The following PTPRK variants were observed in gnomAD, a reference collection of about 807,000 sequenced individuals.
PTPRK encodes receptor-type tyrosine-protein phosphatase kappa.
PTPRK carries 75 observed loss-of-function variants against 178.0 expected under a neutral mutation model. The observed-to-expected ratio is 0.42, with a 90% CI of 0.35 to 0.51. The LOEUF (loss-of-function observed/expected upper bound fraction) is 0.51, where lower values mean the gene tolerates loss of function less well. Ranked by LOEUF, PTPRK falls within the 20% of genes least tolerant of loss-of-function variation. The pLI is 0.02. For missense variants in PTPRK, 1,441 were observed against 1,797.8 expected (o/e 0.80, Z 3.59); for synonymous variants, 637 against 620.6 (o/e 1.03, Z -0.39).
At chr6:128,055,684 C>G (rs569874464) in intron 13 of PTPRK, among the ~76,000 whole-genome samples, 1 of 152,128 alleles carries the variant, frequency 6.6e-6, no homozygotes, top group African/African-American at 2.4e-5. Flanking sequence ...ACTGCTGCCT[C>G]GAACTCCTGG....
chr6:128,482,931 C>T (rs1334901434), intron 1 of PTPRK, among the ~76,000 whole-genome samples: 1 of 152,154 alleles, frequency 6.6e-6, no homozygotes, highest in East Asian at 1.9e-4. Flanking sequence ...TGGTATCCTG[C>T]TCATAAAACC....
intron 7 of PTPRK, among the ~76,000 whole-genome samples, chr6:128,095,329 C>T (rs1787735626): frequency 6.6e-6 from 1 of 152,094 alleles, no homozygotes; most frequent in African/African-American, 2.4e-5. Flanking sequence ...TTAGAAACAC[C>T]ATGATGTCAC....
intron 3 of PTPRK, among the ~76,000 whole-genome samples, chr6:128,266,392 T>C (rs886706686): frequency 1.3e-5 from 2 of 152,080 alleles, no homozygotes; most frequent in Admixed American, 6.6e-5. Context: ...CCCAGACAGA[T>C]GGGTTAATGA....
chr6:128,502,107 C>T (rs1855644060), intron 1 of PTPRK, among the ~76,000 whole-genome samples: 1 of 152,136 alleles, frequency 6.6e-6, no homozygotes, highest in Non-Finnish European at 1.5e-5. Flanking sequence ...TACTGAAAAC[C>T]CACTACCTAC....
intron 2 of PTPRK, among the ~76,000 whole-genome samples, chr6:128,338,527 G>GA (rs1165982113): frequency 1.3e-5 from 2 of 152,196 alleles, no homozygotes; most frequent in East Asian, 3.9e-4. Flanking sequence ...AAAACAACCA[G>GA]AAAAAAGTAT....
At chr6:128,475,075 A>C (rs1163556232) in intron 1 of PTPRK, among the ~76,000 whole-genome samples, 1 of 152,144 alleles carries the variant, frequency 6.6e-6, no homozygotes, top group Non-Finnish European at 1.5e-5. Flanking sequence ...AATTAGAAGT[A>C]TCATTGCATA....
intron 3 of PTPRK, among the ~76,000 whole-genome samples, chr6:128,259,479 AATGTACATAT>A (rs1204168680): frequency 6.6e-6 from 1 of 152,160 alleles, no homozygotes; most frequent in African/African-American, 2.4e-5. Context: ...ACACATATAT[AATGTACATAT>A]ATGCACATAC....
chr6:128,140,266 G>GT (rs1451942450), intron 7 of PTPRK, among the ~76,000 whole-genome samples: 4 of 151,998 alleles, frequency 2.6e-5, no homozygotes, highest in Non-Finnish European at 5.9e-5. Flanking sequence ...TAAGGAGAAT[G>GT]TATTTAAAAT....
chr6:128,425,089 T>C (rs945963452), intron 1 of PTPRK, among the ~76,000 whole-genome samples: 2 of 151,262 alleles, frequency 1.3e-5, no homozygotes, highest in Non-Finnish European at 3.0e-5. Context: ...CTTTTTTTTT[T>C]TTTTTTTGAG....
intron 13 of PTPRK, among the ~76,000 whole-genome samples, chr6:128,058,282 G>A (rs1256028383): frequency 6.6e-6 from 1 of 152,178 alleles, no homozygotes; most frequent in Non-Finnish European, 1.5e-5. Flanking sequence ...CAGCAGGATG[G>A]TAGGAGATTT....
rs925955972 is a variant in PTPRK at position 127,969,382 on chromosome 6, A to C, written c.*845T>G. On this transcript the variant is annotated 3_prime_UTR_variant, in exon 30 of 30. Transcript: ENST00000368226. Reference sequence around the variant, plus strand: ...ACCCAATTGCCAAGGGATTTTACACAAATTTAATTCACAAGCATGTACACA... The same window carrying C: ...ACCCAATTGCCAAGGGATTTTACACCAATTTAATTCACAAGCATGTACACA... 6 of 152,208 alleles carry C rather than the reference A, an allele frequency of 3.9e-5. No individual in the cohort carries two copies. Among genetic ancestry groups the C allele is most frequent in the Non-Finnish European group, 5.9e-5 (4 of 68,036 alleles). The allele number at this position is 152,208 out of a possible 1,614,324, so 9.4% of individuals were successfully genotyped here. A position where few individuals can be genotyped will look rare whatever the true frequency, so the allele number is the denominator to read the frequency against.
chr6:128,272,418 G>A (rs568515550), intron 3 of PTPRK, among the ~76,000 whole-genome samples: 12 of 152,190 alleles, frequency 7.9e-5, no homozygotes, highest in Non-Finnish European at 1.6e-4. Flanking sequence ...AGAGTGAACA[G>A]GCAACTTACA....
intron 7 of PTPRK, among the ~76,000 whole-genome samples, chr6:128,112,148 A>T (rs1264927659): frequency 6.6e-6 from 1 of 152,116 alleles, no homozygotes; most frequent in Non-Finnish European, 1.5e-5. Context: ...AAATATGTTA[A>T]TTTTAGAAAC....
intron 11 of PTPRK, among the ~76,000 whole-genome samples, chr6:128,068,922 TGGGTAGGTAGAG>T (rs1467218344): frequency 3.0e-5 from 4 of 135,574 alleles, no homozygotes; most frequent in Admixed American, 1.5e-4. Context: ...AAGAAAGAGG[TGGGTAGGTAGAG>T]GGGAGTGGGG....
chr6:128,508,942 C>A (rs1410256961), intron 1 of PTPRK, among the ~76,000 whole-genome samples: 3 of 126,158 alleles, frequency 2.4e-5, no homozygotes, highest in African/African-American at 4.1e-5. Flanking sequence ...TGCGAAACTC[C>A]ATCTCAAAAA....
chr6:128,161,565 C>T (rs1798713377), intron 7 of PTPRK, among the ~76,000 whole-genome samples: 1 of 151,560 alleles, frequency 6.6e-6, no homozygotes, highest in African/African-American at 2.4e-5. Flanking sequence ...AAGCCAATTG[C>T]TTCTATTTCC....
intron 1 of PTPRK, among the ~76,000 whole-genome samples, chr6:128,425,742 T>C (rs929047913): frequency 6.6e-6 from 1 of 152,112 alleles, no homozygotes; most frequent in African/African-American, 2.4e-5. Context: ...CTCATCCACT[T>C]ATCTGGGAAG....
At position 128,005,139 on chromosome 6, in the gene PTPRK, A is replaced by G. The variant is rs1778270951; in HGVS notation, c.2439T>C (p.His813=). 1 of 1,611,494 alleles carries G rather than the reference A, an allele frequency of 6.2e-7. No individual in the cohort carries two copies. The change falls in exon 15 of 30, where the codon CAT becomes CAC. Residue 813 remains histidine (H), a synonymous_variant. Transcript: ENST00000368226. ...AGGTGATGGAAAGAGGATCTTCTGCATGCAGAGTGCTCTGATCAGCATAAC... is the reference window on the plus strand; with the variant it reads ...AGGTGATGGAAAGAGGATCTTCTGCGTGCAGAGTGCTCTGATCAGCATAAC... ...DRSYADQSTL[H]AEDPLSITFM...
intron 7 of PTPRK, among the ~76,000 whole-genome samples, chr6:128,150,143 A>T (rs1371054494): frequency 2.0e-5 from 3 of 152,192 alleles, no homozygotes; most frequent in Non-Finnish European, 2.9e-5. Context: ...TTGTGATTTT[A>T]GCTACAATCA....
Sources: allele counts gnomAD v4.1 joint callset (sites outside exome capture counted in the v4.1 genomes callset), GRCh38; gene constraint gnomAD v4.1.1; transcripts MANE v1.5; gene names NCBI Gene and HGNC (gene_info 2026-07-23, HGNC 2026-07-21).